Variants in GPATCH11 observed in about 807,000 individuals in gnomAD.
The protein encoded by GPATCH11 is G-patch domain containing 11, also known as G patch domain-containing protein 11.
GPATCH11 carries 32 observed loss-of-function variants against 44.8 expected under a neutral mutation model. The ratio of observed to expected loss-of-function variants is 0.71; its 90% confidence interval spans 0.54 to 0.96. GPATCH11 has a LOEUF of 0.96. Ranked by LOEUF, GPATCH11 falls within the 40% of genes least tolerant of loss-of-function variation. The pLI, the probability that GPATCH11 is intolerant of heterozygous loss-of-function variation, is 0.00. For synonymous variants in GPATCH11, 84 were observed against 94.4 expected (o/e 0.89, Z 0.64); for missense variants, 324 against 303.1 (o/e 1.07, Z -0.51).
intron 7 of GPATCH11, 77 bp downstream of exon 7, chr2:37,094,272 G>C (rs1673468843): frequency 5.7e-6 from 5 of 874,516 alleles, no homozygotes; most frequent in Non-Finnish European, 9.3e-6. Context: ...GTAATCCGTT[G>C]TTGTGGAGAG....
At position 37,089,782 on chromosome 2, in the gene GPATCH11, A is replaced by G. The variant is rs1673228230; in HGVS notation, c.202A>G (p.Lys68Glu). The G allele has an allele frequency of 6.4e-7, 1 of 1,551,802 alleles. No homozygotes were observed. The highest frequency in any genetic ancestry group is 2.4e-5 in the East Asian group (1 of 40,934). Residue 68 changes from lysine to glutamate, a missense_variant, in exon 3 of 9, where the codon AAG (lysine) becomes GAG (glutamate). By Grantham distance (56) the Lys-to-Glu change is moderately conservative. Transcript: ENST00000674370. ...ACAAGAAAGACGTGACATTGGGTTG[A>G]AGAATGCACTAGGCTGTGAAAACAA... ...EEQERRDIGLKNALGCENKGF... is the reference protein window; with the variant it reads ...EEQERRDIGLENALGCENKGF...
chr2:37,086,993 G>C (rs1307416803), intron 1 of GPATCH11, among the ~76,000 whole-genome samples: 1 of 152,094 alleles, frequency 6.6e-6, no homozygotes, highest in East Asian at 1.9e-4. Context: ...TTGGAAACTA[G>C]GCTCATTTTC....
At chr2:37,095,235 C>G (rs1558398891) in intron 7 of GPATCH11, among the ~76,000 whole-genome samples, 1 of 152,180 alleles carries the variant, frequency 6.6e-6, no homozygotes, top group Non-Finnish European at 1.5e-5. Context: ...TCCATTGTGT[C>G]TGGCAGACTT....
intron 2 of GPATCH11, among the ~76,000 whole-genome samples, chr2:37,088,946 G>C (rs1673175598): frequency 6.6e-6 from 1 of 152,104 alleles, no homozygotes. Flanking sequence ...TTTTACTTTT[G>C]CCCTTGATCC....
At chr2:37,091,193 GCA>G in intron 4 of GPATCH11, among the ~76,000 whole-genome samples, 1 of 152,194 alleles carries the variant, frequency 6.6e-6, no homozygotes, top group East Asian at 1.9e-4. Context: ...GCATGGTGGT[GCA>G]TGCCTGTAAT....
intron 1 of GPATCH11, among the ~76,000 whole-genome samples, chr2:37,087,044 G>T (rs959785753): frequency 6.6e-6 from 1 of 152,052 alleles, no homozygotes. Flanking sequence ...CCTTCATGGG[G>T]CCAAGAAGAT....
At position 37,097,020 on chromosome 2, in the gene GPATCH11, T is replaced by C. The variant is rs919756747; in HGVS notation, c.*757T>C. On this transcript the variant is annotated 3_prime_UTR_variant, in exon 9 of 9. Transcript: ENST00000674370. Reference sequence around the variant, plus strand: ...ACTACTAAATTCTAATCCATTTAACTGTGATAATTTCTGGTAAAATCATGA... The same window carrying C: ...ACTACTAAATTCTAATCCATTTAACCGTGATAATTTCTGGTAAAATCATGA... 1.3e-5 allele frequency: 2 copies of C among 152,184 alleles called. No individual in the cohort carries two copies. The highest frequency in any genetic ancestry group is 2.9e-5 in the Non-Finnish European group (2 of 68,030). 9.4% of individuals were successfully genotyped at this position (152,184 alleles called of 1,614,324 possible).
intron 8 of GPATCH11, 58 bp downstream of exon 8, chr2:37,095,576 A>AT: frequency 3.4e-6 from 5 of 1,467,324 alleles, no homozygotes; most frequent in Non-Finnish European, 4.5e-6. Context: ...ATTTTTAGTT[A>AT]AAGTCATTTC....
At position 37,098,971 on chromosome 2, in the gene GPATCH11, AC is replaced by A. The variant is rs1673743694; in HGVS notation, c.*2710del. ...ACTTTATAAATAGGCAATAATGAAC[AC>A]CAAGGGAAGCAAAACACTGAAAAGA... is the stretch of plus-strand genomic sequence containing the variant. On this transcript the variant is annotated 3_prime_UTR_variant, in exon 9 of 9. Transcript: ENST00000674370. 1 of 152,274 alleles carries A rather than the reference AC, an allele frequency of 6.6e-6. No individual in the cohort carries two copies. The highest frequency in any genetic ancestry group is 2.4e-5 in the African/African-American group (1 of 41,478). 9.4% of individuals were successfully genotyped at this position (152,274 alleles called of 1,614,324 possible).
chr2:37,090,105 A>G (rs17505250), intron 3 of GPATCH11, among the ~76,000 whole-genome samples: 16,751 of 152,256 alleles, frequency 0.11, 1,116 homozygotes, highest in South Asian at 0.15. Context: ...GGCACTAACA[A>G]CCTAGATGGA....
At chr2:37,095,274 G>A (rs1215993317) in intron 7 of GPATCH11, among the ~76,000 whole-genome samples, 163 bp from the exon 8 acceptor site, 4 of 152,170 alleles carry the variant, frequency 2.6e-5, no homozygotes, top group African/African-American at 9.7e-5. Flanking sequence ...CTAATGAACT[G>A]TAACACATTC....
intron 4 of GPATCH11, among the ~76,000 whole-genome samples, chr2:37,091,479 G>C (rs1248652361): frequency 6.6e-6 from 1 of 152,034 alleles, no homozygotes; most frequent in Admixed American, 6.6e-5. Flanking sequence ...ACGATTCCTG[G>C]AGCCCACAAG....
At chr2:37,087,595 A>G (rs1673110178) in intron 1 of GPATCH11, among the ~76,000 whole-genome samples, 1 of 152,250 alleles carries the variant, frequency 6.6e-6, no homozygotes, top group African/African-American at 2.4e-5. Context: ...CCCTCAAAAT[A>G]TTTCCACATA....
rs561385123 is a variant in GPATCH11 at position 37,096,698 on chromosome 2, A to G, written c.*435A>G. ...ATATTTCTCCCTGATTGGAGAGAAC[A>G]GCGGGTCTCTGCCTTGTTGGGGCAG... On this transcript the variant is annotated 3_prime_UTR_variant, in exon 9 of 9. Coordinates refer to ENST00000674370, the MANE Select transcript of GPATCH11 (RefSeq NM_174931.4). The G allele has an allele frequency of 5.4e-5, 9 of 168,046 alleles. No homozygotes were observed. The highest frequency in any genetic ancestry group is 2.2e-4 in the African/African-American group (9 of 41,678). 10.4% of individuals were successfully genotyped at this position (168,046 alleles called of 1,614,324 possible).
At chr2:37,095,789 T>G (rs1185598707) in intron 8 of GPATCH11, among the ~76,000 whole-genome samples, 2 of 152,240 alleles carry the variant, frequency 1.3e-5, no homozygotes, top group African/African-American at 2.4e-5. Context: ...GTTTTGTGCT[T>G]TATTTTTAAA....
At chr2:37,090,802 A>G (rs187648741) in intron 4 of GPATCH11, 80 bp downstream of exon 4, 1 of 712,834 alleles carries the variant, frequency 1.4e-6, no homozygotes, top group African/African-American at 1.8e-5. Context: ...CTCAATAAAT[A>G]CTTTTTTTTA....
chr2:37,091,970 T>C lies in GPATCH11; in HGVS notation c.383T>C (p.Leu128Ser). 1 of 1,613,158 alleles carries C rather than the reference T, an allele frequency of 6.2e-7. No individual in the cohort carries two copies. Among genetic ancestry groups the C allele is most frequent in the South Asian group, 1.1e-5 (1 of 91,054 alleles). ...TTAAAACGGAAAGCAGAGGAAAAATTGGAAAGCTACAGAAAAAAGATTCAC... is the reference window on the plus strand; with the variant it reads ...TTAAAACGGAAAGCAGAGGAAAAATCGGAAAGCTACAGAAAAAAGATTCAC... The part of the protein sequence containing the change: ...ASLKRKAEEK[L>S]ESYRKKIHMK... The change falls in exon 5 of 9, where the codon TTG (leucine) becomes TCG (serine). Residue 128 changes from leucine (L) to serine (S), a missense_variant. By Grantham distance (145) the Leu-to-Ser change is moderately radical. Transcript: ENST00000674370.
chr2:37,089,745 A>T lies in GPATCH11; in HGVS notation c.165A>T (p.Leu55Phe), dbSNP rs1328485554. The T allele has an allele frequency of 2.6e-6, 4 of 1,551,846 alleles. No homozygotes were observed. Among genetic ancestry groups the T allele is most frequent in the Non-Finnish European group, 3.5e-6 (4 of 1,147,042 alleles). Residue 55 changes from leucine (L) to phenylalanine (F), a missense_variant, in exon 3 of 9, where the codon TTA becomes TTT. By Grantham distance (22) the Leu-to-Phe change is conservative (BLOSUM62 0). Coordinates refer to ENST00000674370, the MANE Select transcript of GPATCH11 (RefSeq NM_174931.4). ...EANLKNRQKS[L>F]KEEEQERRDI... is the part of the protein sequence containing the mutation. ...ATTTGAAAAACAGGCAGAAGAGTTT[A>T]AAAGAAGAAGAACAAGAAAGACGTG...
chr2:37,088,043 G>C (rs1371958550), intron 1 of GPATCH11, among the ~76,000 whole-genome samples: 1 of 152,170 alleles, frequency 6.6e-6, no homozygotes, highest in East Asian at 1.9e-4. Flanking sequence ...AAAAAAAAGT[G>C]CCTGAACTAA....
Sources: allele counts gnomAD v4.1 joint callset (sites outside exome capture counted in the v4.1 genomes callset), GRCh38; gene constraint gnomAD v4.1.1; transcripts MANE v1.5; gene names NCBI Gene and HGNC (gene_info 2026-07-23, HGNC 2026-07-21).